SHTN1: variants seen among roughly 807,000 people sequenced by gnomAD.
SHTN1 encodes shootin-1.
SHTN1 carries 42 observed loss-of-function variants against 83.1 expected under a neutral mutation model. The ratio of observed to expected loss-of-function variants is 0.51; its 90% confidence interval spans 0.39 to 0.65. The LOEUF is 0.65. SHTN1 is among the 30% of genes least tolerant of loss of function. SHTN1 has a pLI of 0.00. For missense variants in SHTN1, 622 were observed against 737.8 expected, an observed-to-expected ratio of 0.84 and a Z score of 1.82; for synonymous variants, 224 against 247.7, an observed-to-expected ratio of 0.90 and a Z score of 0.90.
At chr10:117,113,783 T>C (rs551237493) in intron 1 of SHTN1, among the ~76,000 whole-genome samples, 2 of 152,250 alleles carry the variant, frequency 1.3e-5, no homozygotes, top group East Asian at 1.9e-4. Context: ...CAGTGGATCA[T>C]GCCTGTAATC....
chr10:116,968,820 C>T (rs1850493504), intron 2 of SHTN1, 108 bp from the exon 3 acceptor site: 2 of 823,798 alleles, frequency 2.4e-6, no homozygotes, highest in Admixed American at 4.9e-5. Context: ...GAAAACAAAA[C>T]AAAATTTAAA....
At chr10:116,902,998 C>A (rs971517885) in intron 15 of SHTN1, among the ~76,000 whole-genome samples, 4 of 152,092 alleles carry the variant, frequency 2.6e-5, no homozygotes, top group African/African-American at 9.7e-5. Flanking sequence ...AGTATAATAG[C>A]GTAACATATC....
chr10:117,054,561 A>T (rs745993613), intron 1 of SHTN1, among the ~76,000 whole-genome samples: 3 of 151,732 alleles, frequency 2.0e-5, no homozygotes, highest in Non-Finnish European at 4.4e-5. Flanking sequence ...GCCCGCCACC[A>T]TGCCTGGCTA....
At chr10:116,925,125 C>A (rs548100447) in intron 11 of SHTN1, among the ~76,000 whole-genome samples, 3 of 152,286 alleles carry the variant, frequency 2.0e-5, no homozygotes. Flanking sequence ...GTCAACCTGA[C>A]TGGGCCACGG....
upstream of SHTN1, chr10:117,005,583 A>C: frequency 1.0e-6 from 1 of 993,558 alleles, no homozygotes; most frequent in Non-Finnish European, 1.2e-6. Context: ...GCAATGAGCC[A>C]TGAACGCCTG....
chr10:117,008,119 A>G (rs1041398936), upstream of SHTN1, among the ~76,000 whole-genome samples: 3 of 152,060 alleles, frequency 2.0e-5, no homozygotes, highest in Non-Finnish European at 2.9e-5. Flanking sequence ...GTTTACATAT[A>G]TATATACAAA....
Position 116,993,017 on chromosome 10 carries a change from C to CTTTTTTTTTTTTTTTTTTT in SHTN1, c.58+12004_58+12005insAAAAAAAAAAAAAAAAAAA, listed in dbSNP as rs35364697. On this transcript the variant is annotated intron_variant, in intron 1 of 16. Coordinates refer to ENST00000355371, the MANE Select transcript of SHTN1 (RefSeq NM_001127211.3). Reference sequence around the variant, plus strand: ...ATGTTTTCTTTTCTTTCTTTTTTTTCTTTTTTTTTTTTTTTTGAGATGGAG... The same window carrying CTTTTTTTTTTTTTTTTTTT: ...ATGTTTTCTTTTCTTTCTTTTTTTTCTTTTTTTTTTTTTTTTTTTTTTTTTTTTTTTTTTTGAGATGGAG... Among the ~76,000 whole-genome samples the CTTTTTTTTTTTTTTTTTTT allele has an allele frequency of 4.5e-4, 54 of 121,182 alleles. 1 individual carries two copies. Among genetic ancestry groups the CTTTTTTTTTTTTTTTTTTT allele is most frequent in the Non-Finnish European group, 5.5e-4 (34 of 62,298 alleles). 79.5% of individuals were successfully genotyped at this position (121,182 alleles called of 152,430 possible). A position where few individuals can be genotyped will look rare whatever the true frequency, so the allele number is the denominator to read the frequency against.
intron 1 of SHTN1, among the ~76,000 whole-genome samples, chr10:117,055,145 G>A (rs1380596209): frequency 9.2e-5 from 14 of 152,100 alleles, no homozygotes; most frequent in Admixed American, 8.5e-4. Context: ...ATCGAATCTC[G>A]TGAGAACTCA....
At chr10:116,900,264 T>C in intron 16 of SHTN1, 1 of 453,744 alleles carries the variant, frequency 2.2e-6, no homozygotes, top group South Asian at 3.9e-5. Context: ...TATTAGAGCT[T>C]TAAGTAGATA....
At chr10:117,053,193 C>T (rs1220034688) in intron 1 of SHTN1, among the ~76,000 whole-genome samples, 1 of 151,300 alleles carries the variant, frequency 6.6e-6, no homozygotes, top group African/African-American at 2.4e-5. Context: ...TCTTTAGAAT[C>T]TTCAGATTAG....
intron 16 of SHTN1, among the ~76,000 whole-genome samples, chr10:116,889,471 T>G (rs1289986288): frequency 1.3e-5 from 2 of 151,786 alleles, no homozygotes; most frequent in Non-Finnish European, 2.9e-5. Context: ...GGAGGGAGAG[T>G]GACTGGTTTC....
chr10:117,037,965 AC>A (rs1452875226), intron 2 of SHTN1, among the ~76,000 whole-genome samples: 1 of 133,768 alleles, frequency 7.5e-6, no homozygotes, highest in Non-Finnish European at 1.5e-5. Flanking sequence ...AGATCATGCC[AC>A]TGCACTCCAG....
upstream of SHTN1, chr10:117,005,463 G>A (rs573533626): frequency 5.5e-4 from 571 of 1,037,956 alleles, 7 homozygotes; most frequent in South Asian, 0.018. Flanking sequence ...CCCGGACTCA[G>A]GGACGCGAGT....
At chr10:117,017,369 T>C (rs1366024629) in intron 2 of SHTN1, among the ~76,000 whole-genome samples, 2 of 151,024 alleles carry the variant, frequency 1.3e-5, no homozygotes, top group African/African-American at 4.9e-5. Context: ...CGGGTGCCTG[T>C]AGTCCCAGCT....
chr10:117,025,538 G>A (rs1231639884), intron 2 of SHTN1, among the ~76,000 whole-genome samples: 7 of 152,132 alleles, frequency 4.6e-5, no homozygotes, highest in African/African-American at 1.7e-4. Context: ...CTGGTGGTAG[G>A]GGTTGAGGGA....
chr10:117,009,644 C>A (rs1852072601), upstream of SHTN1, among the ~76,000 whole-genome samples: 1 of 152,044 alleles, frequency 6.6e-6, no homozygotes, highest in African/African-American at 2.4e-5. Context: ...GTGGCTCAAG[C>A]CCGTAATCCC....
chr10:116,984,931 A>T (rs942811556), intron 1 of SHTN1, among the ~76,000 whole-genome samples: 6 of 151,220 alleles, frequency 4.0e-5, no homozygotes, highest in Non-Finnish European at 8.9e-5. Context: ...ACCTTTGCAA[A>T]TGTTTTTCCC....
intron 1 of SHTN1, among the ~76,000 whole-genome samples, chr10:117,004,499 T>TTAAAAAAAAAATTATGGCC (rs761249444): frequency 2.0e-5 from 3 of 151,376 alleles, no homozygotes; most frequent in Non-Finnish European, 4.4e-5. Flanking sequence ...TGAGAAGTGA[T>TTAAAAAAAAAATTATGGCC]TAAAAAAAAA....
Position 116,940,453 on chromosome 10 carries a change from G to T in SHTN1, c.858+13C>A. 3.1e-6 allele frequency: 5 copies of T among 1,613,098 alleles called. No individual in the cohort carries two copies. The highest frequency in any genetic ancestry group is 3.4e-6 in the Non-Finnish European group (4 of 1,179,448). The stretch of plus-strand genomic sequence containing the variant: ...TGTGTGTGTACCTAAGATTCCAGAA[G>T]AAAATGGGTTACCTTTTGTTGATGC... On this transcript the variant is annotated intron_variant, in intron 9 of 16. Coordinates refer to ENST00000355371, the MANE Select transcript of SHTN1 (RefSeq NM_001127211.3).
Sources: gnomAD v4.1 joint callset for allele counts (sites outside exome capture counted in the v4.1 genomes callset) on GRCh38, gnomAD v4.1.1 for gene constraint, MANE v1.5 for transcripts, NCBI Gene and HGNC (gene_info 2026-07-23, HGNC 2026-07-21) for gene names.